The following TXNDC11 variants were observed in gnomAD, a reference collection of about 807,000 sequenced individuals.
TXNDC11 encodes thioredoxin domain containing 11, also known as thioredoxin domain-containing protein 11.
Under a neutral mutation model 78.0 loss-of-function variants are expected in TXNDC11, and 68 were observed. The ratio of observed to expected loss-of-function variants is 0.87; its 90% CI spans 0.72 to 1.07. The LOEUF (loss-of-function observed/expected upper bound fraction) is 1.07. TXNDC11 is among the 50% of genes least tolerant of loss of function. TXNDC11 has a pLI of 0.00. For synonymous variants in TXNDC11, 571 were observed against 495.2 expected (o/e 1.15, Z -2.03); for missense variants, 1,389 against 1,221.8 (o/e 1.14, Z -2.04).
Position 11,721,630 on chromosome 16 carries a change from T to TG in TXNDC11, c.739dup (p.Gln247ProfsTer32). On this transcript the variant is annotated frameshift_variant, in exon 5 of 12. Transcript: ENST00000283033. LOFTEE classifies it high-confidence loss of function. ...GAAGAAGGTCAAATAACCAGGAGGC[T>TG]GGGGTGAGCCACTGAACTCAAAGTA... is the stretch of plus-strand genomic sequence containing the variant. 6.2e-7 allele frequency: 1 copy of TG among 1,612,686 alleles called. No individual in the cohort carries two copies. Among genetic ancestry groups the TG allele is most frequent in the Non-Finnish European group, 8.5e-7 (1 of 1,179,156 alleles).
chr16:11,691,322 T>A lies in TXNDC11; in HGVS notation c.1868A>T (p.Asp623Val). 1 of 1,614,084 alleles carries A rather than the reference T, an allele frequency of 6.2e-7. No individual in the cohort carries two copies. Among genetic ancestry groups the A allele is most frequent in the Non-Finnish European group, 8.5e-7 (1 of 1,179,976 alleles). ...DVKEESHYIL[D>V]PKQALMKLTL... ...GAGCTTCATCAGTGCTTGCTTTGGATCCAAGATGTAATGAGATTCTTCTTT... is the reference window on the plus strand; with the variant it reads ...GAGCTTCATCAGTGCTTGCTTTGGAACCAAGATGTAATGAGATTCTTCTTT... Residue 623 changes from aspartate (D) to valine (V), a missense_variant, in exon 8 of 12, where the codon GAT becomes GTT. Physicochemically the swap from Asp to Val is radical, Grantham distance 152. Transcript: ENST00000283033.
chr16:11,704,035 T>C (rs964849531), intron 5 of TXNDC11, among the ~76,000 whole-genome samples: 2 of 152,164 alleles, frequency 1.3e-5, no homozygotes, highest in Admixed American at 6.5e-5. Context: ...CAGGTTGCAG[T>C]GAGCCGAGAT....
chr16:11,688,485 T>A, intron 8 of TXNDC11, 40 bp from the exon 9 acceptor site: 1 of 1,516,406 alleles, frequency 6.6e-7, no homozygotes, highest in Non-Finnish European at 8.9e-7. Context: ...CTCCTCTAGA[T>A]ACAAAGAGAA....
chr16:11,740,909 T>C (rs1245527387), intron 1 of TXNDC11, among the ~76,000 whole-genome samples: 1 of 152,176 alleles, frequency 6.6e-6, no homozygotes, highest in Non-Finnish European at 1.5e-5. Flanking sequence ...ATGGAAACAG[T>C]GGTTCCCAAG....
chr16:11,688,326 A>C lies in TXNDC11; in HGVS notation c.2020T>G (p.Trp674Gly), dbSNP rs373471401. 6.2e-7 allele frequency: 1 copy of C among 1,614,028 alleles called. No individual in the cohort carries two copies. ...ACCTGTTTTTGAAGGACTACTTCCC[A>C]AAAGGTATCAGTTGTCACTTCAGTG... is the stretch of plus-strand genomic sequence containing the variant. ...LITEVTTDTF[W>G]EVVLQKQDVL... Residue 674 changes from tryptophan (W) to glycine (G), a missense_variant, in exon 9 of 12, where the codon TGG becomes GGG. Trp to Gly is a radical substitution (Grantham distance 184). Transcript: ENST00000283033.
intron 1 of TXNDC11, among the ~76,000 whole-genome samples, chr16:11,737,377 G>GGAGGTTGCAGTGAGCC (rs2052255216): frequency 6.6e-6 from 1 of 151,642 alleles, no homozygotes; most frequent in South Asian, 2.1e-4. Flanking sequence ...CCCGGGAGGC[G>GGAGGTTGCAGTGAGCC]GAGGTTGCAG....
At position 11,736,061 on chromosome 16, in the gene TXNDC11, C is replaced by G; in HGVS notation, c.427G>C (p.Ala143Pro). 6.2e-7 allele frequency: 1 copy of G among 1,614,170 alleles called. No homozygotes were observed. Among genetic ancestry groups the G allele is most frequent in the African/African-American group, 1.3e-5 (1 of 75,046 alleles). Residue 143 changes from alanine (A) to proline (P), a missense_variant, in exon 2 of 12, where the codon GCC (alanine) becomes CCC (proline). Ala to Pro is a conservative substitution (Grantham distance 27). Coordinates refer to ENST00000283033, the MANE Select transcript of TXNDC11 (RefSeq NM_015914.7). ...GCTGCTTGCTCAATTTCTGCCCTGG[C>G]AGCGATGGACTGTCCACACCAAGGG... ...YAPWCGQSIA[A>P]RAEIEQAASR...
At chr16:11,728,405 TA>T (rs2051948143) in intron 4 of TXNDC11, among the ~76,000 whole-genome samples, 1 of 152,190 alleles carries the variant, frequency 6.6e-6, no homozygotes, top group Admixed American at 6.5e-5. Context: ...ACTAACCCGA[TA>T]AAAGCCACAG....
chr16:11,739,525 T>C (rs889826760), intron 1 of TXNDC11, among the ~76,000 whole-genome samples: 24 of 152,172 alleles, frequency 1.6e-4, no homozygotes, highest in Middle Eastern at 3.4e-3. Flanking sequence ...CGGGGCAACA[T>C]AGAAAAAAGG....
intron 3 of TXNDC11, among the ~76,000 whole-genome samples, chr16:11,733,451 C>T (rs1250682707): frequency 1.3e-5 from 2 of 151,622 alleles, no homozygotes; most frequent in Admixed American, 6.6e-5. Flanking sequence ...GGCGTGAATC[C>T]GGGAGGCCGA....
intron 7 of TXNDC11, chr16:11,692,304 C>T (rs1328551824): frequency 4.1e-6 from 2 of 485,860 alleles, no homozygotes; most frequent in African/African-American, 1.9e-5. Flanking sequence ...TGCGAGCCAT[C>T]CCTTTGTCCA....
intron 5 of TXNDC11, among the ~76,000 whole-genome samples, chr16:11,714,662 C>G (rs2051474683): frequency 6.6e-6 from 1 of 151,862 alleles, no homozygotes; most frequent in Non-Finnish European, 1.5e-5. Flanking sequence ...AATTTCCAAT[C>G]TGACAGAACA....
intron 10 of TXNDC11, among the ~76,000 whole-genome samples, chr16:11,685,137 G>A (rs2050530174): frequency 1.3e-5 from 2 of 152,224 alleles, no homozygotes; most frequent in Admixed American, 6.5e-5. Context: ...GCCGAGGTGG[G>A]TGGACTGTTT....
intron 5 of TXNDC11, among the ~76,000 whole-genome samples, chr16:11,717,197 A>T (rs1234084904): frequency 6.6e-6 from 1 of 150,784 alleles, no homozygotes; most frequent in Non-Finnish European, 1.5e-5. Flanking sequence ...AGGCCGAGGC[A>T]GGTGGATCAC....
At chr16:11,685,478 T>A (rs916716516) in intron 10 of TXNDC11, among the ~76,000 whole-genome samples, 1 of 151,600 alleles carries the variant, frequency 6.6e-6, no homozygotes, top group African/African-American at 2.4e-5. Context: ...ACGCCACCCG[T>A]CTCTACTAAA....
chr16:11,701,128 CTTTTTTTTTTTTTTTT>C (rs397855467), intron 5 of TXNDC11, among the ~76,000 whole-genome samples: 4 of 101,646 alleles, frequency 3.9e-5, no homozygotes, highest in African/African-American at 1.7e-4. Flanking sequence ...CCAATGTCCT[CTTTTTTTTTTTTTTTT>C]TTTTTTTTTT....
intron 6 of TXNDC11, among the ~76,000 whole-genome samples, chr16:11,699,856 G>GC (rs2050962381): frequency 6.6e-6 from 1 of 152,240 alleles, no homozygotes; most frequent in African/African-American, 2.4e-5. Context: ...CAGCAACAGA[G>GC]TAGACGCATA....
chr16:11,710,289 T>C (rs1256489426), intron 5 of TXNDC11, among the ~76,000 whole-genome samples: 1 of 152,002 alleles, frequency 6.6e-6, no homozygotes, highest in Non-Finnish European at 1.5e-5. Context: ...CATTTCAGGC[T>C]GTTCTTAAGG....
chr16:11,733,840 T>C, intron 3 of TXNDC11, 142 bp downstream of exon 3: 1 of 624,432 alleles, frequency 1.6e-6, no homozygotes. Flanking sequence ...ATCCAGATCT[T>C]TCTTTTTTAA....
Sources: allele counts gnomAD v4.1 joint callset (sites outside exome capture counted in the v4.1 genomes callset), GRCh38; gene constraint gnomAD v4.1.1; transcripts MANE v1.5; gene names NCBI Gene and HGNC (gene_info 2026-07-23, HGNC 2026-07-21).